Variants in ATIC observed in about 807,000 individuals in gnomAD.
ATIC encodes 5-aminoimidazole-4-carboxamide ribonucleotide formyltransferase/IMP cyclohydrolase.
Under a neutral mutation model 72.5 loss-of-function variants are expected in ATIC, and 64 were observed. That is an observed-to-expected ratio of 0.88 (90% CI 0.72 to 1.09). The LOEUF (loss-of-function observed/expected upper bound fraction) is 1.09, where lower values mean the gene tolerates loss of function less well. Among genes scored for constraint, ATIC ranks in the 50% least tolerant of loss-of-function variants. The pLI is 0.00. For synonymous variants in ATIC, 281 were observed against 267.1 expected (o/e 1.05, Z -0.51); for missense variants, 787 against 732.4 (o/e 1.07, Z -0.86).
intron 14 of ATIC, among the ~76,000 whole-genome samples, chr2:215,347,915 T>C (rs1559280912): frequency 6.6e-6 from 1 of 152,164 alleles, no homozygotes; most frequent in Non-Finnish European, 1.5e-5. Context: ...TTATTTTTCA[T>C]AGTTCTGGAG....
chr2:215,362,058 G>A, the ATIC span: 9 of 1,614,046 alleles, frequency 5.6e-6, no homozygotes, highest in Non-Finnish European at 6.8e-6. Context: ...CCAGGTCTGC[G>A]GCAGTTGTCA....
rs773792940 is a variant in ATIC, at chr2:215,333,404, A to G, written c.869A>G (p.Tyr290Cys). 6.8e-5 allele frequency: 109 copies of G among 1,614,044 alleles called. 1 individual carries two copies. The highest frequency in any genetic ancestry group is 9.2e-5 in the Non-Finnish European group (108 of 1,180,018). ...SEDEAKVCMV[Y>C]DLYKTLTPIS... ...GATGAGGCCAAAGTCTGCATGGTTT[A>G]TGATCTCTATAAAACCCTCACACCC... The change falls in exon 9 of 16, where the codon TAT becomes TGT. Residue 290 changes from tyrosine to cysteine, a missense_variant. Tyr to Cys is a radical substitution (Grantham distance 194). Coordinates refer to ENST00000236959, the MANE Select transcript of ATIC (RefSeq NM_004044.7).
Position 215,325,349 on chromosome 2 carries a change from T to G in ATIC, c.379+20T>G, listed in dbSNP as rs1475590589. On this transcript the variant is annotated intron_variant, in intron 5 of 15. Transcript: ENST00000236959. ...ACATTGGTAAGTCAGAAAAACCATT[T>G]TAGAAGACTGAGAGGAGAGGATTAT... The G allele has an allele frequency of 9.0e-6, 14 of 1,552,454 alleles. No individual in the cohort carries two copies. The highest frequency in any genetic ancestry group is 1.2e-5 in the Non-Finnish European group (14 of 1,123,950).
At chr2:215,338,750 A>G (rs2052984190) in intron 11 of ATIC, 29 bp from the exon 12 acceptor site, 3 of 1,609,328 alleles carry the variant, frequency 1.9e-6, no homozygotes, top group African/African-American at 1.3e-5. Flanking sequence ...TGGAGAGATT[A>G]ACTTTAACTT....
chr2:215,316,269 C>T (rs1326669355), intron 2 of ATIC, among the ~76,000 whole-genome samples: 1 of 152,076 alleles, frequency 6.6e-6, no homozygotes, highest in Non-Finnish European at 1.5e-5. Flanking sequence ...GATTTTATTT[C>T]CTGAACCCCA....
At chr2:215,325,912 C>A in intron 5 of ATIC, 75 bp from the exon 6 acceptor site, 1 of 1,545,844 alleles carries the variant, frequency 6.5e-7, no homozygotes, top group Non-Finnish European at 8.9e-7. Flanking sequence ...AGTACATGCA[C>A]AATGACTTTA....
At chr2:215,328,324 A>G (rs1306317936) in intron 7 of ATIC, among the ~76,000 whole-genome samples, 2 of 152,098 alleles carry the variant, frequency 1.3e-5, no homozygotes, top group Non-Finnish European at 2.9e-5. Flanking sequence ...TGGAAATCGG[A>G]TGATGTCAGA....
chr2:215,364,951 G>A, the ATIC span: 4 of 1,581,050 alleles, frequency 2.5e-6, no homozygotes, highest in Non-Finnish European at 2.6e-6. Flanking sequence ...CTCCTACGTG[G>A]TATGTCTTCC....
chr2:215,313,248 A>G (rs1392374988), intron 2 of ATIC, among the ~76,000 whole-genome samples: 1 of 152,226 alleles, frequency 6.6e-6, no homozygotes, highest in East Asian at 1.9e-4. Flanking sequence ...TTGTTATGCA[A>G]GGAAAACTTC....
chr2:215,345,738 A>G (rs2053064087), intron 13 of ATIC, among the ~76,000 whole-genome samples: 1 of 152,198 alleles, frequency 6.6e-6, no homozygotes, highest in South Asian at 2.1e-4. Flanking sequence ...GTCAGGTTCT[A>G]AGAAGTTCTG....
chr2:215,362,286 T>C, the ATIC span: 3 of 576,690 alleles, frequency 5.2e-6, no homozygotes, highest in African/African-American at 5.6e-5. Flanking sequence ...CCTACATCTG[T>C]CTCTCTATGT....
intron 2 of ATIC, among the ~76,000 whole-genome samples, chr2:215,315,419 C>T (rs913160535): frequency 1.3e-5 from 2 of 152,094 alleles, no homozygotes; most frequent in African/African-American, 2.4e-5. Flanking sequence ...TGCAGTGGCA[C>T]AATCATGGCT....
intron 4 of ATIC, among the ~76,000 whole-genome samples, chr2:215,323,533 A>T (rs1575115736): frequency 1.3e-5 from 2 of 152,244 alleles, no homozygotes; most frequent in Admixed American, 1.3e-4. Context: ...TTTTAATACA[A>T]TTGATTTTTA....
chr2:215,344,934 C>T (rs2053057400), intron 13 of ATIC, 63 bp downstream of exon 13: 2 of 1,495,112 alleles, frequency 1.3e-6, no homozygotes, highest in Non-Finnish European at 1.9e-6. Context: ...ATTTAAACAT[C>T]CGTCTGCCTT....
intron 15 of ATIC, 37 bp from the exon 16 acceptor site, chr2:215,349,499 T>TA: frequency 6.2e-7 from 1 of 1,614,040 alleles, no homozygotes; most frequent in East Asian, 2.2e-5. Flanking sequence ...GGTTTTTACA[T>TA]AAAATCGCGT....
chr2:215,347,044 T>C (rs2053079509), intron 14 of ATIC, 103 bp downstream of exon 14: 1 of 1,362,692 alleles, frequency 7.3e-7, no homozygotes, highest in East Asian at 2.4e-5. Context: ...AAAGATACTT[T>C]CATTGAAATT....
At chr2:215,363,612 TTGGATACC>T in the ATIC span, 1 of 152,240 alleles carries the variant, frequency 6.6e-6, no homozygotes, top group East Asian at 1.9e-4. Flanking sequence ...TCTTTGCATC[TTGGATACC>T]TGTAATTGGT....
At chr2:215,346,658 A>G in intron 13 of ATIC, 101 bp from the exon 14 acceptor site, 1 of 1,382,270 alleles carries the variant, frequency 7.2e-7, no homozygotes, top group Non-Finnish European at 1.0e-6. Context: ...ATGTTCTTCC[A>G]CAAAACTAAT....
rs772131457 is a variant in ATIC, at chr2:215,349,240, A to T, written c.1650A>T (p.Arg550Ser). Reference sequence around the variant, plus strand: ...TCCCTTTCCGAGATAACGTAGACAGAGCTAAAAGGGTAAGTATGGAATTGG... The same window carrying T: ...TCCCTTTCCGAGATAACGTAGACAGTGCTAAAAGGGTAAGTATGGAATTGG... ...AFFPFRDNVD[R>S]AKRSGVAYIA... Residue 550 changes from arginine (R) to serine (S), a missense_variant, in exon 15 of 16, where the codon AGA (arginine) becomes AGT (serine). By Grantham distance (110) the Arg-to-Ser change is moderately radical (BLOSUM62 -1). Transcript: ENST00000236959. The T allele has an allele frequency of 2.5e-6, 4 of 1,614,162 alleles. No individual in the cohort carries two copies. The highest frequency in any genetic ancestry group is 3.4e-6 in the Non-Finnish European group (4 of 1,180,024).
Sources: allele counts gnomAD v4.1 joint callset (sites outside exome capture counted in the v4.1 genomes callset), GRCh38; gene constraint gnomAD v4.1.1; transcripts MANE v1.5; gene names NCBI Gene and HGNC (gene_info 2026-07-23, HGNC 2026-07-21).